HNF4A: variants seen among roughly 807,000 people sequenced by gnomAD.
HNF4A encodes hepatocyte nuclear factor 4-alpha.
Under a neutral mutation model 52.4 loss-of-function variants are expected in HNF4A, and 15 were observed. That is an observed-to-expected ratio of 0.29 (90% confidence interval 0.19 to 0.44). The LOEUF is 0.44. Ranked by LOEUF, HNF4A falls within the 20% of genes least tolerant of loss-of-function variation. HNF4A has a pLI of 1.00. For synonymous variants in HNF4A, 280 were observed against 264.4 expected, an observed-to-expected ratio of 1.06 and a Z score of -0.57; for missense variants, 479 against 647.2, an observed-to-expected ratio of 0.74 and a Z score of 2.82.
intron 1 of HNF4A, among the ~76,000 whole-genome samples, chr20:44,359,229 ACT>A (rs1464550570): frequency 6.6e-6 from 1 of 151,802 alleles, no homozygotes; most frequent in Non-Finnish European, 1.5e-5. Flanking sequence ...GCCAGATCCC[ACT>A]CTCTTGCCTT....
intron 1 of HNF4A, among the ~76,000 whole-genome samples, chr20:44,371,959 C>T (rs2063038616): frequency 6.6e-6 from 1 of 152,302 alleles, no homozygotes; most frequent in South Asian, 2.1e-4. Context: ...CCGTAGTCCC[C>T]ACTATTCCTT....
intron 8 of HNF4A, among the ~76,000 whole-genome samples, chr20:44,425,600 G>T (rs540025781): frequency 1.5e-4 from 23 of 152,072 alleles, no homozygotes; most frequent in Admixed American, 9.2e-4. Context: ...CTGGGTCTGG[G>T]GGTGGTAGTG....
At position 44,392,302 on chromosome 20, in the gene HNF4A, G is replaced by A. The variant is rs116202579; in HGVS notation, c.50-13756G>A. 9.3e-3 allele frequency among the ~76,000 whole-genome samples: 1,419 copies of A among 152,278 alleles called. 30 individuals are homozygous for A. Among genetic ancestry groups the A allele is most frequent in the African/African-American group, 0.033 (1,369 of 41,550 alleles). On this transcript the variant is annotated intron_variant, in intron 1 of 9. Coordinates refer to the HNF4A transcript ENST00000316673. ...CCCTCTTTACAGATGGGAAAACTGA[G>A]CCTCGCTGAGGTTTTGACTAGTAAG...
upstream of HNF4A, among the ~76,000 whole-genome samples, chr20:44,398,243 A>T (rs2063371230): frequency 6.6e-6 from 1 of 152,268 alleles, no homozygotes; most frequent in Non-Finnish European, 1.5e-5. Context: ...AAGCAAAAAG[A>T]TGGATGTACA....
chr20:44,429,679 C>CT lies in HNF4A; in HGVS notation c.*16dup, dbSNP rs778598065. Reference sequence around the variant, plus strand: ...GAAGTTATCTAGCAAGCCGCTGGGGCTTGGGGGCTCCACTGGCTCCCCCCA... The same window carrying CT: ...GAAGTTATCTAGCAAGCCGCTGGGGCTTTGGGGGCTCCACTGGCTCCCCCCA... On this transcript the variant is annotated 3_prime_UTR_variant, in exon 10 of 10. Transcript: ENST00000316099. 2 of 1,613,942 alleles carry CT rather than the reference C, an allele frequency of 1.2e-6. No homozygotes were observed. The highest frequency in any genetic ancestry group is 1.7e-6 in the Non-Finnish European group (2 of 1,179,894).
chr20:44,407,507 C>G, intron 3 of HNF4A, 32 bp downstream of exon 3: 1 of 1,382,984 alleles, frequency 7.2e-7, no homozygotes, highest in Non-Finnish European at 1.0e-6. Flanking sequence ...CCCACCACCA[C>G]TGCCCCACCT....
At chr20:44,429,468 C>T in intron 9 of HNF4A, 55 bp from the exon 10 acceptor site, 6 of 1,612,352 alleles carry the variant, frequency 3.7e-6, no homozygotes, top group Non-Finnish European at 5.1e-6. Flanking sequence ...TCTTCATTTA[C>T]TCCCACAAAG....
rs1379500068 is a variant in HNF4A, at chr20:44,428,325, C to G, written c.1130-10C>G. 1 of 1,613,914 alleles carries G rather than the reference C, an allele frequency of 6.2e-7. No homozygotes were observed. The highest frequency in any genetic ancestry group is 1.7e-5 in the Admixed American group (1 of 60,014). On this transcript the variant is annotated splice_polypyrimidine_tract_variant and intron_variant, in intron 8 of 9. Coordinates refer to ENST00000316099, the MANE Select transcript of HNF4A (RefSeq NM_000457.6). ...GACTCTCCATCCTGATCGACCTTCTCTACCTGCAGGGTCCCCCAGCGATGC... is the reference window on the plus strand; with the variant it reads ...GACTCTCCATCCTGATCGACCTTCTGTACCTGCAGGGTCCCCCAGCGATGC...
intron 3 of HNF4A, among the ~76,000 whole-genome samples, chr20:44,411,652 C>G (rs1362778216): frequency 6.6e-6 from 1 of 152,290 alleles, no homozygotes; most frequent in South Asian, 2.1e-4. Flanking sequence ...GACTCCCGGG[C>G]TCAAGTGCAA....
At chr20:44,362,222 C>T (rs995346154) in intron 1 of HNF4A, among the ~76,000 whole-genome samples, 1 of 151,890 alleles carries the variant, frequency 6.6e-6, no homozygotes, top group Admixed American at 6.6e-5. Flanking sequence ...GAGTTCCAGA[C>T]CAGCCTAGTC....
At chr20:44,414,767 T>C in intron 5 of HNF4A, 105 bp downstream of exon 5, 1 of 1,133,498 alleles carries the variant, frequency 8.8e-7, no homozygotes, top group Non-Finnish European at 1.3e-6. Flanking sequence ...GATTTTATTT[T>C]ATTTAACAAA....
rs1313422069 is a variant in HNF4A, at chr20:44,369,286, G to A, written c.49+13433G>A. 2.9e-5 allele frequency among the ~76,000 whole-genome samples: 4 copies of A among 137,534 alleles called. No individual in the cohort carries two copies. The East Asian group carries it at 6.6e-4, about 23-fold the overall frequency. 90.2% of individuals were successfully genotyped at this position (137,534 alleles called of 152,430 possible). On this transcript the variant is annotated intron_variant, in intron 1 of 9. Coordinates refer to the HNF4A transcript ENST00000316673. ...AAAAAAAAAAAAAAAAAACTGGGCC[G>A]GCCACAGTGGCTCAAAATGCTGTAA...
chr20:44,398,892 A>G (rs2063377090), upstream of HNF4A, among the ~76,000 whole-genome samples: 2 of 152,188 alleles, frequency 1.3e-5, no homozygotes, highest in Admixed American at 6.5e-5. Flanking sequence ...CATGACATTG[A>G]TCACATTCCC....
chr20:44,375,023 T>C (rs1169469793), intron 1 of HNF4A, among the ~76,000 whole-genome samples: 4 of 152,198 alleles, frequency 2.6e-5, no homozygotes, highest in Admixed American at 2.0e-4. Flanking sequence ...GACTTTTTAA[T>C]GACAGCCATT....
At chr20:44,366,480 G>A (rs2146183379) in intron 1 of HNF4A, among the ~76,000 whole-genome samples, 1 of 152,238 alleles carries the variant, frequency 6.6e-6, no homozygotes, top group East Asian at 1.9e-4. Context: ...AATTAGCTGG[G>A]CATGGTGGCA....
chr20:44,377,303 G>C (rs1314029438), intron 1 of HNF4A, among the ~76,000 whole-genome samples: 9 of 152,106 alleles, frequency 5.9e-5, no homozygotes, highest in Non-Finnish European at 1.2e-4. Flanking sequence ...GAGAGGGAGG[G>C]GGCAAATGTT....
At chr20:44,407,352 T>C in intron 2 of HNF4A, 29 bp from the exon 3 acceptor site, 1 of 1,550,120 alleles carries the variant, frequency 6.5e-7, no homozygotes, top group South Asian at 1.1e-5. Context: ...TTGTGTCTTC[T>C]CCATCCAACC....
At chr20:44,417,896 G>C (rs1057412507) in intron 5 of HNF4A, among the ~76,000 whole-genome samples, 1 of 151,362 alleles carries the variant, frequency 6.6e-6, no homozygotes, top group Non-Finnish European at 1.5e-5. Context: ...TTGAACCTGG[G>C]AGGCGGAAGC....
At chr20:44,415,296 A>G (rs1037086236) in intron 5 of HNF4A, among the ~76,000 whole-genome samples, 2 of 152,212 alleles carry the variant, frequency 1.3e-5, no homozygotes, top group African/African-American at 2.4e-5. Context: ...CTCCCTAAAC[A>G]TTAGTTTCTT....
Sources: allele counts gnomAD v4.1 joint callset (sites outside exome capture counted in the v4.1 genomes callset), GRCh38; gene constraint gnomAD v4.1.1; transcripts MANE v1.5; gene names NCBI Gene and HGNC (gene_info 2026-07-23, HGNC 2026-07-21).